POLR3B: variants seen among roughly 807,000 people sequenced by gnomAD.
The protein encoded by POLR3B is DNA-directed RNA polymerase III subunit RPC2.
Under a neutral mutation model 147.4 loss-of-function variants are expected in POLR3B, and 96 were observed. The ratio of observed to expected loss-of-function variants is 0.65; its 90% confidence interval spans 0.55 to 0.77. POLR3B has a LOEUF of 0.77. POLR3B is among the 30% of genes least tolerant of loss of function. The pLI, the probability that POLR3B is intolerant of heterozygous loss-of-function variation, is 0.00. For missense variants in POLR3B, 1,036 were observed against 1,413.5 expected (o/e 0.73, Z 4.28); for synonymous variants, 461 against 485.9 (o/e 0.95, Z 0.67).
At chr12:106,412,932 C>A (rs1479064051) in intron 12 of POLR3B, among the ~76,000 whole-genome samples, 1 of 152,082 alleles carries the variant, frequency 6.6e-6, no homozygotes, top group Non-Finnish European at 1.5e-5. Context: ...CATTTATACA[C>A]CTTCTTTGAA....
intron 27 of POLR3B, among the ~76,000 whole-genome samples, chr12:106,507,470 G>A (rs572065653): frequency 1.3e-5 from 2 of 152,264 alleles, no homozygotes; most frequent in African/African-American, 4.8e-5. Context: ...GAGAAGAAGC[G>A]AAAGGTACCC....
At chr12:106,424,329 A>T (rs571433796) in intron 12 of POLR3B, among the ~76,000 whole-genome samples, 2 of 152,226 alleles carry the variant, frequency 1.3e-5, no homozygotes, top group African/African-American at 4.8e-5. Context: ...GATTTTATCC[A>T]CTTTTTGTGC....
rs761562811 is a variant in POLR3B, at chr12:106,366,750, A to G, written c.227+28A>G. On this transcript the variant is annotated intron_variant, in intron 4 of 27. Coordinates refer to ENST00000228347, the MANE Select transcript of POLR3B (RefSeq NM_018082.6). Reference sequence around the variant, plus strand: ...AAGGAACCAACATTCTTAATTTGCTATGTGGGTTACATCTAACATTTTTTA... The same window carrying G: ...AAGGAACCAACATTCTTAATTTGCTGTGTGGGTTACATCTAACATTTTTTA... The G allele has an allele frequency of 3.9e-6, 6 of 1,519,106 alleles. No homozygotes were observed. The South Asian group carries it at 6.7e-5, about 17-fold the overall frequency. The allele number at this position is 1,519,106 out of a possible 1,614,324, so 94.1% of individuals were successfully genotyped here. A position where few individuals can be genotyped will look rare whatever the true frequency, so the allele number is the denominator to read the frequency against.
chr12:106,372,884 C>T (rs1421177798), intron 6 of POLR3B, among the ~76,000 whole-genome samples: 2 of 152,048 alleles, frequency 1.3e-5, no homozygotes, highest in African/African-American at 4.8e-5. Flanking sequence ...ATGTTCATTT[C>T]CCTTGGTATA....
At chr12:106,419,590 C>A (rs1352672361) in intron 12 of POLR3B, among the ~76,000 whole-genome samples, 1 of 152,022 alleles carries the variant, frequency 6.6e-6, no homozygotes, top group Non-Finnish European at 1.5e-5. Context: ...ATATGCCCCC[C>A]ATATTACTTT....
chr12:106,505,342 C>T (rs1207335414), intron 27 of POLR3B, among the ~76,000 whole-genome samples: 2 of 152,004 alleles, frequency 1.3e-5, no homozygotes, highest in East Asian at 1.9e-4. Context: ...GGCTGCAGTG[C>T]GGTGGTGTGA....
At chr12:106,470,385 A>C (rs1273789986) in intron 23 of POLR3B, among the ~76,000 whole-genome samples, 1 of 151,980 alleles carries the variant, frequency 6.6e-6, no homozygotes, top group African/African-American at 2.4e-5. Context: ...CTTCCTCGCA[A>C]TGGGTTAGAA....
chr12:106,440,260 T>G (rs1362967520), intron 18 of POLR3B, among the ~76,000 whole-genome samples: 1 of 152,200 alleles, frequency 6.6e-6, no homozygotes. Context: ...TGAACTCTTT[T>G]TCACTACCTC....
intron 22 of POLR3B, among the ~76,000 whole-genome samples, chr12:106,461,705 A>G (rs2037939239): frequency 6.6e-6 from 1 of 152,126 alleles, no homozygotes; most frequent in African/African-American, 2.4e-5. Context: ...TGACCCTTCT[A>G]TAGCATTTGA....
intron 18 of POLR3B, among the ~76,000 whole-genome samples, chr12:106,440,596 C>G (rs2037637225): frequency 6.6e-6 from 1 of 152,198 alleles, no homozygotes; most frequent in African/African-American, 2.4e-5. Context: ...GGAGCACTCT[C>G]TCACATACCT....
At chr12:106,494,371 C>T (rs571343310) in intron 23 of POLR3B, among the ~76,000 whole-genome samples, 10 of 152,308 alleles carry the variant, frequency 6.6e-5, no homozygotes, top group African/African-American at 2.2e-4. Flanking sequence ...CAGCCTCCTC[C>T]TGCGAACTGC....
intron 19 of POLR3B, among the ~76,000 whole-genome samples, chr12:106,447,734 T>TA (rs1422326859): frequency 1.4e-4 from 21 of 152,240 alleles, no homozygotes; most frequent in Admixed American, 1.3e-3. Context: ...ATTCAGTTAC[T>TA]ATCAGCTCAA....
intron 27 of POLR3B, among the ~76,000 whole-genome samples, chr12:106,506,717 A>G (rs1028263910): frequency 6.6e-6 from 1 of 152,224 alleles, no homozygotes; most frequent in African/African-American, 2.4e-5. Flanking sequence ...GTAATTAAAC[A>G]GACCTCAATA....
At chr12:106,413,221 G>C (rs1249564269) in intron 12 of POLR3B, among the ~76,000 whole-genome samples, 2 of 151,952 alleles carry the variant, frequency 1.3e-5, no homozygotes, top group African/African-American at 4.8e-5. Context: ...TCAGTGTCTT[G>C]ATTTCCCCAA....
intron 10 of POLR3B, among the ~76,000 whole-genome samples, chr12:106,395,539 C>T (rs2036967517): frequency 6.6e-6 from 1 of 152,144 alleles, no homozygotes; most frequent in South Asian, 2.1e-4. Context: ...CAGCCACCAC[C>T]CACCAGGCCC....
Position 106,509,684 on chromosome 12 carries a change from T to A in POLR3B, c.*135T>A, listed in dbSNP as rs531592970. The A allele has an allele frequency of 2.2e-5, 17 of 779,580 alleles. No individual in the cohort carries two copies. In the East Asian group the frequency reaches 4.6e-4, roughly 21 times the overall value. 48.3% of individuals were successfully genotyped at this position (779,580 alleles called of 1,614,324 possible). A position where few individuals can be genotyped will look rare whatever the true frequency, so the allele number is the denominator to read the frequency against. On this transcript the variant is annotated 3_prime_UTR_variant, in exon 28 of 28. Coordinates refer to ENST00000228347, the MANE Select transcript of POLR3B (RefSeq NM_018082.6). Reference sequence around the variant, plus strand: ...TCTCTCTAAAACAACCAAAAAAAAATGGAGAGGCTTTTTATATACTCTAAG... The same window carrying A: ...TCTCTCTAAAACAACCAAAAAAAAAAGGAGAGGCTTTTTATATACTCTAAG...
intron 23 of POLR3B, among the ~76,000 whole-genome samples, chr12:106,480,483 G>T (rs11837827): frequency 0.048 from 7,287 of 152,222 alleles, 576 homozygotes; most frequent in African/African-American, 0.16. Context: ...CCAGGAGTCA[G>T]GCAGGGGCAG....
chr12:106,496,621 C>A, intron 24 of POLR3B, 131 bp from the exon 25 acceptor site: 1 of 808,630 alleles, frequency 1.2e-6, no homozygotes, highest in Non-Finnish European at 2.1e-6. Context: ...ACATGTCAAG[C>A]TTAAATACTG....
At chr12:106,467,495 T>C (rs542524007) in intron 23 of POLR3B, among the ~76,000 whole-genome samples, 8 of 151,934 alleles carry the variant, frequency 5.3e-5, no homozygotes, top group Non-Finnish European at 1.0e-4. Context: ...CTATGTTGAA[T>C]AGGAGTGGTG....
Sources: allele counts gnomAD v4.1 joint callset (sites outside exome capture counted in the v4.1 genomes callset), GRCh38; gene constraint gnomAD v4.1.1; transcripts MANE v1.5; gene names NCBI Gene and HGNC (gene_info 2026-07-23, HGNC 2026-07-21).